Variants in TMEM161B observed in about 807,000 individuals in gnomAD.
TMEM161B encodes transmembrane protein 161B.
A neutral mutation model predicts 61.8 loss-of-function variants in TMEM161B; 34 were observed. The ratio of observed to expected loss-of-function variants is 0.55; its 90% CI spans 0.42 to 0.73. The LOEUF (loss-of-function observed/expected upper bound fraction) is 0.73. Among genes scored for constraint, TMEM161B ranks in the 30% least tolerant of loss-of-function variants. The pLI is 0.00. For missense variants in TMEM161B, 456 were observed against 558.5 expected (o/e 0.82, Z 1.85); for synonymous variants, 167 against 192.8 (o/e 0.87, Z 1.11).
Position 88,197,778 on chromosome 5 carries a change from A to C in TMEM161B, c.1090-13T>G, listed in dbSNP as rs547796730. 6.2e-7 allele frequency: 1 copy of C among 1,609,670 alleles called. No homozygotes were observed. The highest frequency in any genetic ancestry group is 1.3e-5 in the African/African-American group (1 of 74,742). ...AGACTCGAGCCACCTGCAACCAACA[A>C]CATTCTTAAGTGTCTAATGCAACTG... On this transcript the variant is annotated splice_polypyrimidine_tract_variant and intron_variant, in intron 10 of 11. Coordinates refer to ENST00000296595, the MANE Select transcript of TMEM161B (RefSeq NM_153354.5).
chr5:88,217,577 AG>A (rs1015222395), intron 5 of TMEM161B, among the ~76,000 whole-genome samples: 5 of 59,684 alleles, frequency 8.4e-5, no homozygotes, highest in African/African-American at 2.0e-4. Context: ...GCGGTGGGCG[AG>A]GGGGTGGTGG....
chr5:88,260,938 C>T (rs942182589), intron 1 of TMEM161B, among the ~76,000 whole-genome samples: 3 of 152,076 alleles, frequency 2.0e-5, no homozygotes, highest in Non-Finnish European at 4.4e-5. Flanking sequence ...AGAACTACTA[C>T]GTCTGTTTTA....
downstream of TMEM161B, chr5:88,190,106 C>T (rs1273794181): frequency 4.3e-6 from 3 of 700,744 alleles, no homozygotes; most frequent in Non-Finnish European, 7.8e-6. Context: ...TTGGATAAGC[C>T]TCCACCCACC....
intron 6 of TMEM161B, among the ~76,000 whole-genome samples, chr5:88,206,707 T>C (rs1745569133): frequency 6.6e-6 from 1 of 152,098 alleles, no homozygotes; most frequent in Non-Finnish European, 1.5e-5. Flanking sequence ...CCTTTGATAT[T>C]TGTACATTCC....
chr5:88,263,155 G>A (rs1196039650), intron 1 of TMEM161B, among the ~76,000 whole-genome samples: 1 of 152,044 alleles, frequency 6.6e-6, no homozygotes, highest in African/African-American at 2.4e-5. Flanking sequence ...TACCAGGCAC[G>A]TGGGCTGAAT....
At chr5:88,203,173 T>C in intron 8 of TMEM161B, 98 bp from the exon 9 acceptor site, 3 of 701,530 alleles carry the variant, frequency 4.3e-6, no homozygotes, top group Admixed American at 2.6e-5. Context: ...TAGGAGCTTA[T>C]TTGCAGTATT....
chr5:88,220,029 G>A (rs555578359), intron 5 of TMEM161B, among the ~76,000 whole-genome samples: 1 of 151,782 alleles, frequency 6.6e-6, no homozygotes, highest in East Asian at 1.9e-4. Flanking sequence ...GAACTATTGA[G>A]GTTCTACCAA....
intron 1 of TMEM161B, among the ~76,000 whole-genome samples, chr5:88,263,963 A>T (rs1401314046): frequency 6.6e-6 from 1 of 152,160 alleles, no homozygotes; most frequent in Non-Finnish European, 1.5e-5. Flanking sequence ...CTAAAAGTTA[A>T]CCTTAGTGGT....
intron 5 of TMEM161B, among the ~76,000 whole-genome samples, chr5:88,212,179 T>C (rs143240780): frequency 1.3e-5 from 2 of 152,174 alleles, no homozygotes; most frequent in Admixed American, 6.5e-5. Flanking sequence ...TGAAGAAAAA[T>C]ATGGATAACC....
At chr5:88,197,581 G>A in intron 11 of TMEM161B, 88 bp downstream of exon 11, 1 of 1,061,158 alleles carries the variant, frequency 9.4e-7, no homozygotes, top group Non-Finnish European at 1.4e-6. Context: ...ACAATTTTAA[G>A]AGTTGCATTT....
intron 5 of TMEM161B, among the ~76,000 whole-genome samples, chr5:88,215,983 C>T (rs139651379): frequency 1.3e-5 from 2 of 152,252 alleles, no homozygotes; most frequent in East Asian, 3.9e-4. Flanking sequence ...ACTGGCAGGG[C>T]ACAAAGACTC....
intron 1 of TMEM161B, among the ~76,000 whole-genome samples, chr5:88,248,238 C>T (rs1328439072): frequency 6.6e-6 from 1 of 152,060 alleles, no homozygotes; most frequent in Non-Finnish European, 1.5e-5. Flanking sequence ...TGGCCAGCCC[C>T]AAGCCAATCA....
chr5:88,188,752 CT>C (rs1255223257), downstream of TMEM161B, among the ~76,000 whole-genome samples: 1 of 152,046 alleles, frequency 6.6e-6, no homozygotes, highest in Non-Finnish European at 1.5e-5. Context: ...GCTCCTGACC[CT>C]TTTAATGGCT....
intron 2 of TMEM161B, among the ~76,000 whole-genome samples, chr5:88,234,607 C>T (rs971320216): frequency 2.6e-5 from 4 of 152,128 alleles, no homozygotes; most frequent in African/African-American, 4.8e-5. Context: ...AATAAAATGA[C>T]GGCCTGCTTG....
intron 1 of TMEM161B, chr5:88,259,477 G>A (rs375514): frequency 0.72 from 109,475 of 152,114 alleles, 39,526 homozygotes; most frequent in South Asian, 0.77. Flanking sequence ...CTCACTAAGT[G>A]CTTACACTGA....
intron 1 of TMEM161B, among the ~76,000 whole-genome samples, chr5:88,262,970 G>A (rs536975485): frequency 1.5e-4 from 23 of 151,878 alleles, no homozygotes; most frequent in Admixed American, 2.6e-4. Context: ...TCATATAATC[G>A]ATTACTATCT....
chr5:88,187,358 T>G (rs747544360), downstream of TMEM161B, among the ~76,000 whole-genome samples: 2 of 152,156 alleles, frequency 1.3e-5, no homozygotes, highest in African/African-American at 4.8e-5. Context: ...AAACTTTTGT[T>G]TGAATTTGGT....
At chr5:88,250,021 C>T (rs1397972694) in intron 1 of TMEM161B, among the ~76,000 whole-genome samples, 1 of 152,154 alleles carries the variant, frequency 6.6e-6, no homozygotes. Context: ...ATGTTCTATC[C>T]TATGGTATCT....
At position 88,268,456 on chromosome 5, in the gene TMEM161B, G is replaced by T. The variant is rs1488212993; in HGVS notation, c.3+265C>A. On this transcript the variant is annotated intron_variant, in intron 1 of 11. Coordinates refer to ENST00000296595, the MANE Select transcript of TMEM161B (RefSeq NM_153354.5). ...GCCACAGGCCATACACAGTAAATGG[G>T]CCATGAACAGGCAGGCTACCCAGTC... Among the ~76,000 whole-genome samples the T allele has an allele frequency of 2.6e-5, 4 of 152,164 alleles. No homozygotes were observed. In the East Asian group the frequency reaches 7.7e-4, roughly 29 times the overall value.
Sources: gnomAD v4.1 joint callset for allele counts (sites outside exome capture counted in the v4.1 genomes callset) on GRCh38, gnomAD v4.1.1 for gene constraint, MANE v1.5 for transcripts, NCBI Gene and HGNC (gene_info 2026-07-23, HGNC 2026-07-21) for gene names.